Variants in SPON1 observed in about 807,000 individuals in gnomAD.
The protein encoded by SPON1 is spondin 1.
A neutral mutation model predicts 111.7 loss-of-function variants in SPON1; 52 were observed. That is an observed-to-expected ratio of 0.47 (90% CI 0.37 to 0.59). The LOEUF (loss-of-function observed/expected upper bound fraction) is 0.59. SPON1 is among the 20% of genes least tolerant of loss of function. The pLI is 0.00. For synonymous variants in SPON1, 410 were observed against 395.8 expected, an observed-to-expected ratio of 1.04 and a Z score of -0.43; for missense variants, 957 against 1,068.5, an observed-to-expected ratio of 0.90 and a Z score of 1.46.
At chr11:14,208,988 GC>G (rs1199891019) in intron 6 of SPON1, among the ~76,000 whole-genome samples, 2 of 152,120 alleles carry the variant, frequency 1.3e-5, no homozygotes, top group Non-Finnish European at 2.9e-5. Context: ...TGTTAAAATT[GC>G]TTTGTCAAGT....
chr11:14,177,954 T>C (rs1459899321), intron 6 of SPON1, among the ~76,000 whole-genome samples: 1 of 152,048 alleles, frequency 6.6e-6, no homozygotes, highest in Admixed American at 6.6e-5. Context: ...TTGAAAGACT[T>C]GTTTCTTATT....
intron 6 of SPON1, among the ~76,000 whole-genome samples, chr11:14,158,745 G>A (rs1227106747): frequency 6.6e-6 from 1 of 152,052 alleles, no homozygotes; most frequent in Non-Finnish European, 1.5e-5. Context: ...TTCATTTTTT[G>A]TAGTTGTTCT....
chr11:14,210,962 A>G (rs1217199013), intron 6 of SPON1, among the ~76,000 whole-genome samples: 20 of 152,242 alleles, frequency 1.3e-4, no homozygotes, highest in African/African-American at 4.3e-4. Flanking sequence ...ATTGGTCTAT[A>G]TATCTGTTTT....
chr11:14,060,208 C>G (rs1554919706), intron 3 of SPON1, among the ~76,000 whole-genome samples: 1 of 152,180 alleles, frequency 6.6e-6, no homozygotes, highest in East Asian at 1.9e-4. Context: ...GTATAAATGT[C>G]AAGATATAGA....
chr11:14,189,652 C>T (rs1471742985), intron 6 of SPON1, among the ~76,000 whole-genome samples: 1 of 152,140 alleles, frequency 6.6e-6, no homozygotes, highest in African/African-American at 2.4e-5. Context: ...GTTCGCTGTG[C>T]CCTTCTAAGT....
intron 6 of SPON1, among the ~76,000 whole-genome samples, chr11:14,200,293 T>C (rs1289145743): frequency 6.6e-6 from 1 of 152,212 alleles, no homozygotes; most frequent in Non-Finnish European, 1.5e-5. Context: ...ATCTCAGTTC[T>C]TTGCACAGTG....
intron 7 of SPON1, among the ~76,000 whole-genome samples, chr11:14,247,140 G>A (rs1849000152): frequency 6.6e-6 from 1 of 152,186 alleles, no homozygotes; most frequent in Non-Finnish European, 1.5e-5. Flanking sequence ...AGGTGTACTG[G>A]CTCACACCTG....
chr11:13,963,096 C>T lies in SPON1; in HGVS notation c.192C>T (p.Arg64=). 1 of 1,548,264 alleles carries T rather than the reference C, an allele frequency of 6.5e-7. No homozygotes were observed. The highest frequency in any genetic ancestry group is 8.7e-7 in the Non-Finnish European group (1 of 1,149,324). Residue 64 remains arginine, a synonymous_variant, in exon 1 of 16, where the codon CGC becomes CGT. Transcript: ENST00000576479. ...RREGYTEFSL[R]VEGDPDFYKP... ...AGGGCTACACCGAGTTCAGCCTCCG[C>T]GTGGAGGGCGACCCCGACTTCTACA...
intron 7 of SPON1, among the ~76,000 whole-genome samples, chr11:14,250,077 G>T (rs1849036046): frequency 1.3e-5 from 2 of 151,938 alleles, no homozygotes; most frequent in Non-Finnish European, 2.9e-5. Flanking sequence ...TTATCTAGTG[G>T]GATCATTGTC....
intron 14 of SPON1, 111 bp downstream of exon 14, chr11:14,260,863 G>C: frequency 8.0e-7 from 1 of 1,246,040 alleles, no homozygotes; most frequent in Non-Finnish European, 1.1e-6. Context: ...GGTTTGCTGG[G>C]GAAGAGTTTG....
chr11:14,215,328 T>C (rs1239614805), intron 6 of SPON1, among the ~76,000 whole-genome samples: 1 of 152,202 alleles, frequency 6.6e-6, no homozygotes, highest in Non-Finnish European at 1.5e-5. Flanking sequence ...TTATTTCTTC[T>C]TCTCAGAGTG....
At chr11:14,094,374 TCTC>T (rs1849082965) in intron 5 of SPON1, among the ~76,000 whole-genome samples, 2 of 152,126 alleles carry the variant, frequency 1.3e-5, no homozygotes, top group South Asian at 4.1e-4. Flanking sequence ...GCCAGATTCT[TCTC>T]CAACACATTT....
chr11:14,047,720 G>A (rs1454304392), intron 3 of SPON1, among the ~76,000 whole-genome samples: 1 of 152,168 alleles, frequency 6.6e-6, no homozygotes, highest in Non-Finnish European at 1.5e-5. Context: ...GGTAAAAGGG[G>A]TGGATAAAGT....
chr11:14,013,732 C>A (rs1848422986), intron 2 of SPON1, among the ~76,000 whole-genome samples: 1 of 152,178 alleles, frequency 6.6e-6, no homozygotes, highest in African/African-American at 2.4e-5. Flanking sequence ...TACTGAGCAC[C>A]TGCTGTATAC....
At chr11:14,203,345 T>C (rs1848484257) in intron 6 of SPON1, among the ~76,000 whole-genome samples, 1 of 152,228 alleles carries the variant, frequency 6.6e-6, no homozygotes, top group Admixed American at 6.5e-5. Flanking sequence ...ACTGGGCTGC[T>C]GGCACTTACT....
chr11:14,257,732 C>G lies in SPON1; in HGVS notation c.1326C>G (p.Thr442=). 1.2e-6 allele frequency: 2 copies of G among 1,611,906 alleles called. No individual in the cohort carries two copies. The highest frequency in any genetic ancestry group is 1.7e-6 in the Non-Finnish European group (2 of 1,179,008). The part of the protein sequence containing the change: ...EEKDEDDTPE[T]CIYSNWSPWS... Reference sequence around the variant, plus strand: ...TCTTTCCAGATGACACCCCTGAAACCTGCATCTACTCCAACTGGTCCCCAT... The same window carrying G: ...TCTTTCCAGATGACACCCCTGAAACGTGCATCTACTCCAACTGGTCCCCAT... Residue 442 remains threonine (T), a synonymous_variant, in exon 11 of 16, where the codon ACC becomes ACG. Transcript: ENST00000576479.
chr11:14,108,852 T>C (rs996266685), intron 5 of SPON1, among the ~76,000 whole-genome samples: 2 of 152,142 alleles, frequency 1.3e-5, no homozygotes, highest in Non-Finnish European at 2.9e-5. Context: ...ACTTGATTTC[T>C]CTTCCCCTCT....
rs577433719 is a variant in SPON1, at chr11:14,258,605, G to A, written c.1493-675G>A. On this transcript the variant is annotated intron_variant, in intron 11 of 15. Coordinates refer to ENST00000576479, the MANE Select transcript of SPON1 (RefSeq NM_006108.4). ...ATAGGCTGGACTGGTGTATGGCAGGGAAAAAAACCACTTCCAAGCCGAGGA... is the reference window on the plus strand; with the variant it reads ...ATAGGCTGGACTGGTGTATGGCAGGAAAAAAAACCACTTCCAAGCCGAGGA... Among the ~76,000 whole-genome samples the A allele has an allele frequency of 9.8e-4, 149 of 152,218 alleles. 1 individual carries two copies. The highest frequency in any genetic ancestry group is 3.4e-3 in the African/African-American group (141 of 41,524).
At chr11:14,071,332 C>A (rs941375362) in intron 3 of SPON1, among the ~76,000 whole-genome samples, 6 of 152,128 alleles carry the variant, frequency 3.9e-5, no homozygotes, top group Admixed American at 3.3e-4. Flanking sequence ...GAATGTTGGT[C>A]TTCCTCAGGG....
Sources: gnomAD v4.1 joint callset for allele counts (sites outside exome capture counted in the v4.1 genomes callset) on GRCh38, gnomAD v4.1.1 for gene constraint, MANE v1.5 for transcripts, NCBI Gene and HGNC (gene_info 2026-07-23, HGNC 2026-07-21) for gene names.